The following WDFY1 variants were observed in gnomAD, a reference collection of about 807,000 sequenced individuals.
WDFY1 encodes WD repeat and FYVE domain containing 1, also known as WD repeat and FYVE domain-containing protein 1.
WDFY1 carries 32 observed loss-of-function variants against 56.4 expected under a neutral mutation model. The ratio of observed to expected loss-of-function variants is 0.57; its 90% CI spans 0.43 to 0.76. WDFY1 has a LOEUF of 0.76. Ranked by LOEUF, WDFY1 falls within the 30% of genes least tolerant of loss-of-function variation. The pLI is 0.00. For synonymous variants in WDFY1, 192 were observed against 197.3 expected, an observed-to-expected ratio of 0.97 and a Z score of 0.23; for missense variants, 480 against 545.7, an observed-to-expected ratio of 0.88 and a Z score of 1.20.
In WDFY1 at chr2:223,934,081, C is replaced by CTTT. The variant is rs201021204; in HGVS notation, c.137+11064_137+11066dup. Among the ~76,000 whole-genome samples the CTTT allele has an allele frequency of 2.4e-4, 33 of 136,160 alleles. 1 individual carries two copies. The highest frequency in any genetic ancestry group is 8.1e-4 in the African/African-American group (29 of 35,996). The allele number at this position is 136,160 out of a possible 152,430, so 89.3% of individuals were successfully genotyped here. On this transcript the variant is annotated intron_variant, in intron 1 of 11. Transcript: ENST00000233055. ...TAAGGAATAGCAGCCTTTTTCTTTT[C>CTTT]TTTTTTTTTTTTTTTTTTTTTTTGA...
At chr2:223,900,968 C>T (rs1693498293) in intron 5 of WDFY1, 5 of 502,288 alleles carry the variant, frequency 1.0e-5, no homozygotes, top group East Asian at 7.2e-5. Context: ...CGGAAGTTCT[C>T]GGATTTTCAG....
intron 1 of WDFY1, among the ~76,000 whole-genome samples, chr2:223,919,151 T>C (rs1267563801): frequency 6.6e-6 from 1 of 152,200 alleles, no homozygotes; most frequent in Non-Finnish European, 1.5e-5. Flanking sequence ...CCTCTGTAGT[T>C]ACTCATAACC....
At chr2:223,880,337 TG>T in intron 10 of WDFY1, 105 bp from the exon 11 acceptor site, 1 of 973,290 alleles carries the variant, frequency 1.0e-6, no homozygotes, top group Non-Finnish European at 1.6e-6. Flanking sequence ...CCAGGTGCAG[TG>T]GCTCATGTCT....
At chr2:223,903,373 A>ATTAGC (rs1208123638) in intron 4 of WDFY1, among the ~76,000 whole-genome samples, 1 of 151,968 alleles carries the variant, frequency 6.6e-6, no homozygotes, top group Non-Finnish European at 1.5e-5. Flanking sequence ...AATACAAACA[A>ATTAGC]TTAGCTGGCC....
At chr2:223,897,284 T>G (rs1421427975) in intron 6 of WDFY1, among the ~76,000 whole-genome samples, 1 of 150,440 alleles carries the variant, frequency 6.6e-6, no homozygotes, top group Non-Finnish European at 1.5e-5. Context: ...GTGATCTGTA[T>G]GAAAACTGCA....
chr2:223,916,291 T>C (rs1559171233), intron 2 of WDFY1, among the ~76,000 whole-genome samples: 1 of 152,168 alleles, frequency 6.6e-6, no homozygotes, highest in South Asian at 2.1e-4. Context: ...AAGGAGAAAG[T>C]GCTACCAGAG....
At chr2:223,917,760 CG>C (rs1279140542) in intron 2 of WDFY1, among the ~76,000 whole-genome samples, 182 bp downstream of exon 2, 13 of 152,068 alleles carry the variant, frequency 8.5e-5, no homozygotes, top group Middle Eastern at 3.4e-3. Flanking sequence ...TTAGTAGAGA[CG>C]GGCTTTCACC....
intron 1 of WDFY1, among the ~76,000 whole-genome samples, chr2:223,930,862 GAA>G (rs1357211161): frequency 2.0e-5 from 3 of 152,330 alleles, no homozygotes; most frequent in African/African-American, 7.2e-5. Flanking sequence ...CCAGGCATGA[GAA>G]AGAGTCCAGC....
chr2:223,926,237 C>T (rs955662883), intron 1 of WDFY1, among the ~76,000 whole-genome samples: 1 of 152,130 alleles, frequency 6.6e-6, no homozygotes, highest in Non-Finnish European at 1.5e-5. Flanking sequence ...ACCTATGCTT[C>T]CCAGGCTCCA....
chr2:223,940,367 T>TAC (rs1162642010), intron 1 of WDFY1, among the ~76,000 whole-genome samples: 1 of 152,152 alleles, frequency 6.6e-6, no homozygotes, highest in Non-Finnish European at 1.5e-5. Context: ...AGGTCCAATT[T>TAC]ACACACACAC....
At chr2:223,895,708 T>G in intron 6 of WDFY1, 78 bp from the exon 7 acceptor site, 1 of 1,558,930 alleles carries the variant, frequency 6.4e-7, no homozygotes, top group African/African-American at 1.4e-5. Flanking sequence ...ACGTATACAT[T>G]TGACAGCTGA....
In WDFY1 at chr2:223,894,306, G is replaced by A. The variant is rs748820986; in HGVS notation, c.759C>T (p.Leu253=). 2.5e-6 allele frequency: 4 copies of A among 1,614,082 alleles called. No individual in the cohort carries two copies. The highest frequency in any genetic ancestry group is 1.3e-5 in the African/African-American group (1 of 74,940). Residue 253 remains leucine, a synonymous_variant, in exon 8 of 12, where the codon CTC becomes CTT. Transcript: ENST00000233055. ...AGGAACAGGAGACGAGCTGCCTGGT[G>A]AGCTGAAGGTAGCACAGCGACTGCA... ...DKVQSLCYLQ[L]TRQLVSCSSD... is the part of the protein sequence containing the mutation.
chr2:223,921,613 C>T (rs1477336946), intron 1 of WDFY1, among the ~76,000 whole-genome samples: 1 of 149,082 alleles, frequency 6.7e-6, no homozygotes, highest in African/African-American at 2.5e-5. Flanking sequence ...TTTTTTTTGA[C>T]AGGGTTTCGC....
intron 1 of WDFY1, among the ~76,000 whole-genome samples, chr2:223,933,798 CAA>C (rs113051490): frequency 3.3e-5 from 5 of 149,272 alleles, no homozygotes; most frequent in Non-Finnish European, 7.4e-5. Flanking sequence ...CCCATCTCTA[CAA>C]AAAAAAATCA....
At position 223,879,978 on chromosome 2, in the gene WDFY1, C is replaced by A. The variant is rs1693037829; in HGVS notation, c.1173+146G>T. On this transcript the variant is annotated intron_variant, in intron 11 of 11. Coordinates refer to ENST00000233055, the MANE Select transcript of WDFY1 (RefSeq NM_020830.5). The stretch of plus-strand genomic sequence containing the variant: ...CAATGAATGCATGGAAACTCAGAGG[C>A]AAGCAATTTGTTACTCAAGGTTTTA... 3 of 717,764 alleles carry A rather than the reference C, an allele frequency of 4.2e-6. No individual in the cohort carries two copies. In the African/African-American group the frequency reaches 5.3e-5, roughly 13 times the overall value. 44.5% of individuals were successfully genotyped at this position (717,764 alleles called of 1,614,324 possible).
intron 2 of WDFY1, among the ~76,000 whole-genome samples, chr2:223,917,171 A>T (rs981134628): frequency 6.6e-6 from 1 of 152,282 alleles, no homozygotes; most frequent in African/African-American, 2.4e-5. Context: ...TTATTTATAG[A>T]ACATACCTGA....
rs1553536123 is a variant in WDFY1 at position 223,897,390 on chromosome 2, A to ATTTTTTTTT, written c.598+1567_598+1568insAAAAAAAAA. Among the ~76,000 whole-genome samples, 10 of 125,990 alleles carry ATTTTTTTTT rather than the reference A, an allele frequency of 7.9e-5. No individual in the cohort carries two copies. The East Asian group carries it at 9.2e-4, about 12-fold the overall frequency. The allele number at this position is 125,990 out of a possible 152,430, so 82.7% of individuals were successfully genotyped here. Reference sequence around the variant, plus strand: ...TATATATATATATATATATATATATATTTTTTAAGACGGAGTCTCTCTCTG... The same window carrying ATTTTTTTTT: ...TATATATATATATATATATATATATATTTTTTTTTTTTTTTAAGACGGAGTCTCTCTCTG... On this transcript the variant is annotated intron_variant, in intron 6 of 11. Transcript: ENST00000233055.
chr2:223,941,931 A>G (rs908174229), intron 1 of WDFY1, among the ~76,000 whole-genome samples: 1 of 152,152 alleles, frequency 6.6e-6, no homozygotes, highest in Admixed American at 6.6e-5. Flanking sequence ...CCTACTAAAA[A>G]GGTTGTTCTC....
At chr2:223,941,172 T>C (rs1689297683) in intron 1 of WDFY1, among the ~76,000 whole-genome samples, 1 of 152,022 alleles carries the variant, frequency 6.6e-6, no homozygotes, top group East Asian at 1.9e-4. Flanking sequence ...GGCCAGGCTG[T>C]TCTTGAACTC....
Sources: gnomAD v4.1 joint callset for allele counts (sites outside exome capture counted in the v4.1 genomes callset) on GRCh38, gnomAD v4.1.1 for gene constraint, MANE v1.5 for transcripts, NCBI Gene and HGNC (gene_info 2026-07-23, HGNC 2026-07-21) for gene names.